Variants in TTLL7 observed in about 807,000 individuals in gnomAD.
TTLL7 encodes the protein tubulin tyrosine ligase like 7, also known as tubulin polyglutamylase TTLL7.
TTLL7 carries 53 observed loss-of-function variants against 120.2 expected under a neutral mutation model. The ratio of observed to expected loss-of-function variants is 0.44; its 90% confidence interval spans 0.35 to 0.55. The LOEUF (loss-of-function observed/expected upper bound fraction) is 0.55. TTLL7 is among the 20% of genes least tolerant of loss of function. TTLL7 has a pLI of 0.00. For synonymous variants in TTLL7, 353 were observed against 351.7 expected (o/e 1.00, Z -0.04); for missense variants, 803 against 1,054.7 (o/e 0.76, Z 3.31).
At chr1:83,959,887 T>G (rs1308569217) in intron 1 of TTLL7, among the ~76,000 whole-genome samples, 6 of 152,078 alleles carry the variant, frequency 3.9e-5, no homozygotes, top group Non-Finnish European at 8.8e-5. Flanking sequence ...AGTATATTAT[T>G]TACATAAAGT....
chr1:83,878,659 A>C (rs1394631135), intron 20 of TTLL7, among the ~76,000 whole-genome samples: 1 of 151,972 alleles, frequency 6.6e-6, no homozygotes, highest in African/African-American at 2.4e-5. Context: ...GATTTATCCA[A>C]ATATTTAATG....
At chr1:83,956,563 G>A (rs1649536966) in intron 1 of TTLL7, among the ~76,000 whole-genome samples, 1 of 152,028 alleles carries the variant, frequency 6.6e-6, no homozygotes, top group African/African-American at 2.4e-5. Flanking sequence ...AAGTAGCTGG[G>A]ATTACAGGCA....
chr1:83,965,544 C>T (rs575288147), intron 1 of TTLL7, among the ~76,000 whole-genome samples: 30 of 152,142 alleles, frequency 2.0e-4, no homozygotes, highest in South Asian at 1.7e-3. Flanking sequence ...TGTGAAAATA[C>T]GCTAAAACTT....
At chr1:83,991,482 C>T (rs1226815133) in intron 1 of TTLL7, among the ~76,000 whole-genome samples, 2 of 151,774 alleles carry the variant, frequency 1.3e-5, no homozygotes, top group Non-Finnish European at 2.9e-5. Context: ...CCTGTCTTTA[C>T]GAAAAATATA....
intron 13 of TTLL7, among the ~76,000 whole-genome samples, 198 bp downstream of exon 13, chr1:83,919,501 C>T (rs1658467485): frequency 6.6e-6 from 1 of 152,040 alleles, no homozygotes; most frequent in Non-Finnish European, 1.5e-5. Context: ...ATTCTCTACT[C>T]CATAATTTTT....
Position 83,923,025 on chromosome 1 carries a change from A to G in TTLL7, c.1143-1631T>C, listed in dbSNP as rs569188786. On this transcript the variant is annotated intron_variant, in intron 10 of 20. Coordinates refer to ENST00000260505, the MANE Select transcript of TTLL7 (RefSeq NM_024686.6). Reference sequence around the variant, plus strand: ...GAGAGATGAACTTGTGATGACACCAAGAGTTCTGATTTTAGTGAGTCCACT... The same window carrying G: ...GAGAGATGAACTTGTGATGACACCAGGAGTTCTGATTTTAGTGAGTCCACT... Among the ~76,000 whole-genome samples the G allele has an allele frequency of 9.9e-5, 15 of 150,938 alleles. 2 individuals are homozygous for G. The highest frequency in any genetic ancestry group is 7.9e-4 in the Admixed American group (12 of 15,150).
At position 83,907,477 on chromosome 1, in the gene TTLL7, G is replaced by C. The variant is rs377604272; in HGVS notation, c.1971C>G (p.Ala657=). 3 of 1,612,732 alleles carry C rather than the reference G, an allele frequency of 1.9e-6. No individual in the cohort carries two copies. In the African/African-American group the frequency reaches 4.0e-5, roughly 22 times the overall value. The change falls in exon 16 of 21, where the codon GCC becomes GCG. Residue 657 remains alanine, a synonymous_variant. Coordinates refer to ENST00000260505, the MANE Select transcript of TTLL7 (RefSeq NM_024686.6). ...YMRHLPHSND[A]CSTNSQVSES... ...CTACCACTTGAGAGTTGGTAGAGCA[G>C]GCATCATTACTGTGAGGCAGATGCC...
intron 1 of TTLL7, among the ~76,000 whole-genome samples, chr1:83,976,124 TTGCAACCAAAGTA>T (rs2100586347): frequency 6.6e-6 from 1 of 151,782 alleles, no homozygotes; most frequent in Non-Finnish European, 1.5e-5. Context: ...TTACCATGGA[TTGCAACCAAAGTA>T]AGTCTGAAAG....
intron 4 of TTLL7, chr1:83,948,974 C>G (rs1648768851): frequency 4.0e-6 from 1 of 248,190 alleles, no homozygotes; most frequent in East Asian, 8.3e-5. Context: ...AATTCAATAT[C>G]CAAATTACTT....
intron 1 of TTLL7, among the ~76,000 whole-genome samples, chr1:83,983,293 T>C (rs1223819038): frequency 6.6e-6 from 1 of 152,084 alleles, no homozygotes; most frequent in Non-Finnish European, 1.5e-5. Context: ...ATCACGCCAC[T>C]GCACTCCAGA....
chr1:83,983,042 A>T (rs1248893170), intron 1 of TTLL7, among the ~76,000 whole-genome samples: 1 of 152,018 alleles, frequency 6.6e-6, no homozygotes, highest in Non-Finnish European at 1.5e-5. Flanking sequence ...AAAAATAAGC[A>T]ATAAGGGGCC....
chr1:83,896,226 T>C (rs1656207704), intron 18 of TTLL7, among the ~76,000 whole-genome samples: 1 of 152,038 alleles, frequency 6.6e-6, no homozygotes, highest in African/African-American at 2.4e-5. Flanking sequence ...AATATAGGTA[T>C]CCATTTCCTT....
intron 1 of TTLL7, among the ~76,000 whole-genome samples, chr1:83,991,777 T>C (rs1653023972): frequency 6.6e-6 from 1 of 152,208 alleles, no homozygotes; most frequent in Admixed American, 6.5e-5. Flanking sequence ...TTGAACTATA[T>C]TATCAGGTAA....
At chr1:83,877,041 C>T (rs1208842361) in intron 20 of TTLL7, among the ~76,000 whole-genome samples, 2 of 151,930 alleles carry the variant, frequency 1.3e-5, no homozygotes, top group Non-Finnish European at 2.9e-5. Context: ...TCTTAGTTAT[C>T]CTCATCAAAC....
At chr1:83,925,795 T>G (rs1378611301) in intron 10 of TTLL7, among the ~76,000 whole-genome samples, 1 of 152,138 alleles carries the variant, frequency 6.6e-6, no homozygotes, top group Non-Finnish European at 1.5e-5. Flanking sequence ...CACTTTTGTA[T>G]CTCTAGCTTC....
rs541049330 is a variant in TTLL7 at position 83,904,638 on chromosome 1, A to G, written c.2128-479T>C. Among the ~76,000 whole-genome samples the G allele has an allele frequency of 1.1e-4, 17 of 152,254 alleles. No individual in the cohort carries two copies. In the South Asian group the frequency reaches 3.5e-3, roughly 32 times the overall value. ...CAACAGAATGAGACTCTGTCTCAAA[A>G]ACAAAAAACAATCTCCAATGAATGA... On this transcript the variant is annotated intron_variant, in intron 17 of 20. Transcript: ENST00000260505.
intron 1 of TTLL7, chr1:83,980,425 C>T (rs1651850632): frequency 6.6e-6 from 1 of 151,832 alleles, no homozygotes; most frequent in Admixed American, 6.6e-5. Flanking sequence ...CCACCATGGG[C>T]CTGGCTAATT....
Position 83,952,388 on chromosome 1 carries a change from C to T in TTLL7, c.-176-1G>A. The T allele has an allele frequency of 1.8e-6, 1 of 544,606 alleles. No homozygotes were observed. The highest frequency in any genetic ancestry group is 3.3e-5 in the East Asian group (1 of 30,706). 33.7% of individuals were successfully genotyped at this position (544,606 alleles called of 1,614,324 possible). ...CCAAAGTTATGGGATAACAAGGTAC[C>T]TGCAGTGATTTTAAAACAAGGTCAT... On this transcript the variant is annotated splice_acceptor_variant, in intron 1 of 20. Coordinates refer to ENST00000260505, the MANE Select transcript of TTLL7 (RefSeq NM_024686.6). LOFTEE classifies it low-confidence loss of function (5UTR_SPLICE).
At chr1:83,907,783 G>A in intron 15 of TTLL7, 122 bp from the exon 16 acceptor site, 1 of 829,470 alleles carries the variant, frequency 1.2e-6, no homozygotes, top group South Asian at 1.7e-5. Context: ...AAATGTCAAA[G>A]CATAGGCATC....
Sources: gnomAD v4.1 joint callset for allele counts (sites outside exome capture counted in the v4.1 genomes callset) on GRCh38, gnomAD v4.1.1 for gene constraint, MANE v1.5 for transcripts, NCBI Gene and HGNC (gene_info 2026-07-23, HGNC 2026-07-21) for gene names.